Variants in CMSS1 observed in about 807,000 individuals in gnomAD.
CMSS1 encodes protein CMSS1.
In CMSS1, 33 loss-of-function variants were observed where a neutral mutation model predicts 43.5. The observed-to-expected ratio is 0.76, with a 90% confidence interval of 0.57 to 1.01. The LOEUF (loss-of-function observed/expected upper bound fraction) is 1.01. CMSS1 is among the 50% of genes least tolerant of loss of function. The pLI is 0.00. For synonymous variants in CMSS1, 115 were observed against 117.2 expected (o/e 0.98, Z 0.12); for missense variants, 313 against 326.4 (o/e 0.96, Z 0.32).
At chr3:100,029,088 A>T (rs971574706) in intron 1 of CMSS1, among the ~76,000 whole-genome samples, 1 of 152,046 alleles carries the variant, frequency 6.6e-6, no homozygotes, top group Admixed American at 6.6e-5. Context: ...CTACCCTGGG[A>T]GCTGAGGCAG....
At chr3:99,968,494 A>G (rs1370156969) in intron 1 of CMSS1, among the ~76,000 whole-genome samples, 1 of 152,172 alleles carries the variant, frequency 6.6e-6, no homozygotes, top group African/African-American at 2.4e-5. Flanking sequence ...TATCCAGGTA[A>G]ATAAACATGG....
chr3:99,963,570 A>G (rs1309368558), intron 1 of CMSS1, among the ~76,000 whole-genome samples: 1 of 151,418 alleles, frequency 6.6e-6, no homozygotes, highest in Non-Finnish European at 1.5e-5. Flanking sequence ...GACTTTTAGC[A>G]CTCCTCTTTG....
At chr3:100,049,869 GGCTTCTGGTCAACAGTAA>G (rs2065340522) in intron 1 of CMSS1, among the ~76,000 whole-genome samples, 1 of 151,980 alleles carries the variant, frequency 6.6e-6, no homozygotes, top group African/African-American at 2.4e-5. Flanking sequence ...TTATCAATAA[GGCTTCTGGTCAACAGTAA>G]GCTACTAGTA....
intron 1 of CMSS1, among the ~76,000 whole-genome samples, chr3:99,999,267 G>T (rs1368350422): frequency 6.6e-6 from 1 of 152,172 alleles, no homozygotes; most frequent in South Asian, 2.1e-4. Context: ...AGGAAAAAGA[G>T]GGGCACTGTC....
At chr3:99,861,033 A>C (rs1944224847) in intron 1 of CMSS1, among the ~76,000 whole-genome samples, 1 of 152,082 alleles carries the variant, frequency 6.6e-6, no homozygotes, top group Non-Finnish European at 1.5e-5. Flanking sequence ...TGTGCTAGAG[A>C]GTCTACTCAT....
rs758689696 is a variant in CMSS1, at chr3:100,178,300, T to C, written c.757-5T>C. On this transcript the variant is annotated splice_region_variant and splice_polypyrimidine_tract_variant and intron_variant, in intron 9 of 9. Coordinates refer to ENST00000421999, the MANE Select transcript of CMSS1 (RefSeq NM_032359.4). Reference sequence around the variant, plus strand: ...TCTTTTTTTCCCCCCTTTTCTCTCATTTAGATAAGAAAGGAGGTATTCGAA... The same window carrying C: ...TCTTTTTTTCCCCCCTTTTCTCTCACTTAGATAAGAAAGGAGGTATTCGAA... The C allele has an allele frequency of 1.9e-6, 3 of 1,596,880 alleles. No homozygotes were observed. The highest frequency in any genetic ancestry group is 2.2e-5 in the South Asian group (2 of 90,456).
intron 1 of CMSS1, among the ~76,000 whole-genome samples, chr3:100,037,959 G>A (rs1211885747): frequency 3.2e-5 from 3 of 92,402 alleles, no homozygotes; most frequent in Non-Finnish European, 6.8e-5. Flanking sequence ...TTTTTTTTGG[G>A]GGGGGAGGGA....
rs114453421 is a variant in CMSS1, at chr3:100,055,993, G to A, written c.65-90980G>A. ...GTCCAAGCTTAATCTTAGGCATTCA[G>A]AGAAGGATAGCCTAGTTGATCTGGT... On this transcript the variant is annotated intron_variant, in intron 1 of 9. Transcript: ENST00000421999. 4.6e-3 allele frequency among the ~76,000 whole-genome samples: 693 copies of A among 152,304 alleles called. 7 individuals carry two copies. The highest frequency in any genetic ancestry group is 0.016 in the African/African-American group (676 of 41,546).
chr3:99,948,491 C>G (rs555486992), intron 1 of CMSS1, among the ~76,000 whole-genome samples: 1 of 146,932 alleles, frequency 6.8e-6, no homozygotes, highest in South Asian at 2.2e-4. Context: ...TTACAGTGAG[C>G]CATGATTATA....
chr3:100,044,831 G>A (rs1046728911), intron 1 of CMSS1, among the ~76,000 whole-genome samples: 1 of 152,248 alleles, frequency 6.6e-6, no homozygotes, highest in Non-Finnish European at 1.5e-5. Flanking sequence ...AGTCAATGGA[G>A]TGGTTAATGG....
chr3:100,075,916 AGTTG>A (rs2065843138), intron 1 of CMSS1, among the ~76,000 whole-genome samples: 1 of 152,206 alleles, frequency 6.6e-6, no homozygotes, highest in Non-Finnish European at 1.5e-5. Flanking sequence ...AGGAGAGCTG[AGTTG>A]GAGCCTAGAA....
In CMSS1 at chr3:100,130,794, T is replaced by G. The variant is rs114019417; in HGVS notation, c.65-16179T>G. ...AAAGTATTTACCTGGTCCTTGAACT[T>G]AAAAAATTGCCATCTTCTAGCTTAG... On this transcript the variant is annotated intron_variant, in intron 1 of 9. Coordinates refer to ENST00000421999, the MANE Select transcript of CMSS1 (RefSeq NM_032359.4). 4.3e-3 allele frequency among the ~76,000 whole-genome samples: 661 copies of G among 152,336 alleles called. 4 individuals carry two copies. Among genetic ancestry groups the G allele is most frequent in the African/African-American group, 0.015 (617 of 41,582 alleles).
At chr3:99,898,457 CCACT>C (rs1207095938) in intron 1 of CMSS1, 2 of 152,072 alleles carry the variant, frequency 1.3e-5, no homozygotes, top group Non-Finnish European at 2.9e-5. Flanking sequence ...TGACATGCAC[CCACT>C]CACACATTAA....
chr3:99,959,015 AT>A (rs1417762586), intron 1 of CMSS1, among the ~76,000 whole-genome samples: 1 of 152,282 alleles, frequency 6.6e-6, no homozygotes, highest in East Asian at 1.9e-4. Flanking sequence ...TTGTTCCTTC[AT>A]TTTTTTAATC....
intron 1 of CMSS1, chr3:99,848,364 GGTT>G (rs1943468685): frequency 6.2e-7 from 1 of 1,614,022 alleles, no homozygotes; most frequent in Admixed American, 1.7e-5. Context: ...TGACTTTATT[GGTT>G]GTTTTGTTTA....
Position 100,172,347 on chromosome 3 carries a change from G to A in CMSS1, c.611G>A (p.Arg204His), listed in dbSNP as rs776581370. The A allele has an allele frequency of 9.3e-6, 15 of 1,613,722 alleles. No homozygotes were observed. Among genetic ancestry groups the A allele is most frequent in the South Asian group, 2.2e-5 (2 of 91,062 alleles). The change falls in exon 8 of 10, where the codon CGT (arginine) becomes CAT (histidine). Residue 204 changes from arginine to histidine, a missense_variant. Physicochemically the swap from Arg to His is conservative, Grantham distance 29. Transcript: ENST00000421999. ...VQAQVKLLEK[R>H]VVHLGVGTPG... ...GCGCAGGTAAAGTTGCTGGAGAAGC[G>A]TGTGGTGCACCTGGGTGTAGGAACT...
intron 1 of CMSS1, among the ~76,000 whole-genome samples, chr3:99,893,401 G>A (rs960279770): frequency 2.0e-5 from 3 of 152,008 alleles, no homozygotes; most frequent in Non-Finnish European, 4.4e-5. Context: ...TCCTGACCTC[G>A]TGATCCGCCT....
intron 1 of CMSS1, among the ~76,000 whole-genome samples, chr3:99,955,561 T>TA (rs1275716311): frequency 6.6e-6 from 1 of 152,092 alleles, no homozygotes; most frequent in Non-Finnish European, 1.5e-5. Flanking sequence ...TCTAACAAGA[T>TA]ATACAGCCAA....
At chr3:99,872,676 G>A (rs922677572) in intron 1 of CMSS1, among the ~76,000 whole-genome samples, 11 of 151,904 alleles carry the variant, frequency 7.2e-5, no homozygotes, top group African/African-American at 1.5e-4. Context: ...ATGTGAGGAC[G>A]GTCAGACTGG....
Sources: gnomAD v4.1 joint callset for allele counts (sites outside exome capture counted in the v4.1 genomes callset) on GRCh38, gnomAD v4.1.1 for gene constraint, MANE v1.5 for transcripts, NCBI Gene and HGNC (gene_info 2026-07-23, HGNC 2026-07-21) for gene names.